Variants in LOXHD1 observed in about 807,000 individuals in gnomAD.
The protein encoded by LOXHD1 is lipoxygenase homology PLAT domains 1.
In LOXHD1, 205 loss-of-function variants were observed where a neutral mutation model predicts 248.2. The observed-to-expected ratio is 0.83, with a 90% CI of 0.74 to 0.93. The LOEUF is 0.93. Among genes scored for constraint, LOXHD1 ranks in the 40% least tolerant of loss-of-function variants. LOXHD1 has a pLI of 0.00. For synonymous variants in LOXHD1, 1,113 were observed against 1,162.8 expected (o/e 0.96, Z 0.87); for missense variants, 2,930 against 2,971.6 (o/e 0.99, Z 0.33).
intron 24 of LOXHD1, 37 bp downstream of exon 24, chr18:46,542,690 A>C: frequency 6.4e-7 from 1 of 1,550,848 alleles, no homozygotes; most frequent in Non-Finnish European, 8.7e-7. Flanking sequence ...ATGGTCCTTA[A>C]AGTCTTAGCA....
chr18:46,499,206 A>G (rs967088804), intron 37 of LOXHD1, among the ~76,000 whole-genome samples: 1 of 152,254 alleles, frequency 6.6e-6, no homozygotes, highest in African/African-American at 2.4e-5. Flanking sequence ...AGGTATGAGC[A>G]GAGAAGTTTA....
At chr18:46,597,188 A>G (rs1273904146) in intron 8 of LOXHD1, among the ~76,000 whole-genome samples, 2 of 152,194 alleles carry the variant, frequency 1.3e-5, no homozygotes, top group African/African-American at 4.8e-5. Flanking sequence ...CTTGCCAAAA[A>G]AGAGTAAAGA....
Position 46,560,489 on chromosome 18 carries a change from C to G in LOXHD1, c.2655G>C (p.Glu885Asp). 1 of 1,538,680 alleles carries G rather than the reference C, an allele frequency of 6.5e-7. No individual in the cohort carries two copies. The highest frequency in any genetic ancestry group is 8.7e-7 in the Non-Finnish European group (1 of 1,146,684). The change falls in exon 19 of 41, where the codon GAG becomes GAC. Residue 885 changes from glutamate (E) to aspartate (D), a missense_variant. Physicochemically the swap from Glu to Asp is conservative, Grantham distance 45. Coordinates refer to ENST00000642948, the MANE Select transcript of LOXHD1 (RefSeq NM_001384474.1). ...VYKLRLGHTG[E>D]GFGPSWFVDT... ...CCACGAACCAGCTGGGCCCAAAGCC[C>G]TCGCCCGTGTGCCCGAGCCGGAGCT...
intron 35 of LOXHD1, 44 bp from the exon 36 acceptor site, chr18:46,507,756 A>G: frequency 6.6e-7 from 1 of 1,520,654 alleles, no homozygotes; most frequent in Middle Eastern, 1.7e-4. Flanking sequence ...GTCCTCCCTC[A>G]CCTCCACCAG....
At chr18:46,624,837 TCTCA>T (rs1473404334) in intron 4 of LOXHD1, among the ~76,000 whole-genome samples, 1 of 152,136 alleles carries the variant, frequency 6.6e-6, no homozygotes, top group African/African-American at 2.4e-5. Flanking sequence ...CTTTTCTCCC[TCTCA>T]CTGTCTTACA....
At position 46,529,158 on chromosome 18, in the gene LOXHD1, C is replaced by T. The variant is rs1365281387; in HGVS notation, c.4530+19G>A. Reference sequence around the variant, plus strand: ...CTGGAGAGGAGGGAAGGAGGGTAAACTCCGTGTGCCCCTCATACCGTTCCT... The same window carrying T: ...CTGGAGAGGAGGGAAGGAGGGTAAATTCCGTGTGCCCCTCATACCGTTCCT... On this transcript the variant is annotated intron_variant, in intron 29 of 40. Transcript: ENST00000642948. 8 of 1,551,220 alleles carry T rather than the reference C, an allele frequency of 5.2e-6. 1 individual carries two copies. The African/African-American group carries it at 8.2e-5, about 16-fold the overall frequency.
intron 12 of LOXHD1, among the ~76,000 whole-genome samples, chr18:46,586,428 GTTGTTTTTT>G (rs2038061481): frequency 1.8e-5 from 1 of 54,292 alleles, no homozygotes; most frequent in East Asian, 4.7e-4. Context: ...TAATATAGCT[GTTGTTTTTT>G]TTGTTTGTTT....
intron 36 of LOXHD1, among the ~76,000 whole-genome samples, chr18:46,507,194 G>A (rs963331237): frequency 5.3e-5 from 8 of 152,184 alleles, no homozygotes; most frequent in Admixed American, 3.9e-4. Context: ...ACATGGGTCC[G>A]AGCATGCCTG....
intron 3 of LOXHD1, among the ~76,000 whole-genome samples, 189 bp downstream of exon 3, chr18:46,641,767 C>CA (rs1413138675): frequency 2.6e-5 from 4 of 151,738 alleles, no homozygotes; most frequent in Non-Finnish European, 5.9e-5. Context: ...TGTCTTAACC[C>CA]AAAAAAAATG....
intron 4 of LOXHD1, among the ~76,000 whole-genome samples, chr18:46,629,806 A>T (rs567325270): frequency 6.6e-6 from 1 of 151,092 alleles, no homozygotes; most frequent in Non-Finnish European, 1.5e-5. Context: ...AAAAAAAAAA[A>T]AGAAAAAAAG....
At chr18:46,560,048 T>TGCCAG in intron 19 of LOXHD1, 35 bp downstream of exon 19, 83 of 1,226,266 alleles carry the variant, frequency 6.8e-5, no homozygotes, top group East Asian at 1.1e-4. Flanking sequence ...GTCTGGCCAC[T>TGCCAG]CCCTCCCCAC....
chr18:46,554,794 T>C (rs528732139), intron 21 of LOXHD1, among the ~76,000 whole-genome samples: 3 of 152,252 alleles, frequency 2.0e-5, no homozygotes, highest in African/African-American at 7.2e-5. Context: ...AACAAGAATG[T>C]GTAGCAGTTA....
At chr18:46,533,786 C>T (rs769112002) in intron 27 of LOXHD1, 6 of 273,542 alleles carry the variant, frequency 2.2e-5, no homozygotes, top group Non-Finnish European at 4.4e-5. Flanking sequence ...ATTAGTCGGG[C>T]GTGGTGGCGT....
intron 21 of LOXHD1, among the ~76,000 whole-genome samples, chr18:46,552,368 C>T (rs1226846709): frequency 6.6e-6 from 1 of 152,200 alleles, no homozygotes; most frequent in Non-Finnish European, 1.5e-5. Context: ...TAAAGGACCT[C>T]AAATATCTTC....
intron 6 of LOXHD1, among the ~76,000 whole-genome samples, chr18:46,608,035 GGGAAGGAAGGAAGGAA>G (rs149739560): frequency 7.2e-5 from 8 of 111,266 alleles, no homozygotes; most frequent in Non-Finnish European, 1.3e-4. Context: ...GAAGGAAGGA[GGGAAGGAAGGAAGGAA>G]GGAAGGAAGG....
At chr18:46,573,723 C>T (rs984785662) in intron 14 of LOXHD1, among the ~76,000 whole-genome samples, 4 of 152,188 alleles carry the variant, frequency 2.6e-5, no homozygotes, top group Non-Finnish European at 5.9e-5. Context: ...CTCTCCCAAA[C>T]CTTCTCTTAC....
chr18:46,580,969 A>T (rs927980150), intron 12 of LOXHD1, among the ~76,000 whole-genome samples: 1 of 152,236 alleles, frequency 6.6e-6, no homozygotes, highest in Non-Finnish European at 1.5e-5. Context: ...AGCTGGATAC[A>T]TGGGGTGTAG....
chr18:46,505,736 C>G (rs2034520190), intron 37 of LOXHD1, 102 bp downstream of exon 37: 1 of 1,275,734 alleles, frequency 7.8e-7, no homozygotes. Flanking sequence ...TTTCTGCCAC[C>G]CTGGGGTAAT....
intron 36 of LOXHD1, 94 bp from the exon 37 acceptor site, chr18:46,506,117 A>C: frequency 1.5e-6 from 2 of 1,348,830 alleles, no homozygotes; most frequent in South Asian, 1.4e-5. Flanking sequence ...CAGAGGAGTC[A>C]GGGGTACAGG....
Sources: allele counts gnomAD v4.1 joint callset (sites outside exome capture counted in the v4.1 genomes callset), GRCh38; gene constraint gnomAD v4.1.1; transcripts MANE v1.5; gene names NCBI Gene and HGNC (gene_info 2026-07-23, HGNC 2026-07-21).